Variants in LARGE1 observed in about 807,000 individuals in gnomAD.
LARGE1 encodes the protein LARGE xylosyl- and glucuronyltransferase 1, also known as xylosyl- and glucuronyltransferase LARGE1.
In LARGE1, 43 loss-of-function variants were observed where a neutral mutation model predicts 87.6. The observed-to-expected ratio is 0.49, with a 90% CI of 0.38 to 0.63. The LOEUF (loss-of-function observed/expected upper bound fraction) is 0.63. LARGE1 is among the 30% of genes least tolerant of loss of function. The probability of loss-of-function intolerance (pLI) is 0.00; values close to 1 mark genes in which losing one functional copy is unlikely to be tolerated. For missense variants in LARGE1, 802 were observed against 1,000.2 expected (o/e 0.80, Z 2.67); for synonymous variants, 434 against 394.6 (o/e 1.10, Z -1.18).
At chr22:33,827,042 A>G (rs1280394942) in intron 1 of LARGE1, among the ~76,000 whole-genome samples, 1 of 152,108 alleles carries the variant, frequency 6.6e-6, no homozygotes, top group African/African-American at 2.4e-5. Context: ...AGCTACTTTT[A>G]TCAATGCTTT....
upstream of LARGE1, among the ~76,000 whole-genome samples, chr22:33,920,874 C>T (rs2065928343): frequency 6.8e-6 from 1 of 146,104 alleles, no homozygotes; most frequent in Non-Finnish European, 1.5e-5. Flanking sequence ...CGCGCGATCC[C>T]CGCCTCCCGC....
the LARGE1 span, among the ~76,000 whole-genome samples, chr22:33,074,534 G>T: frequency 1.3e-5 from 2 of 152,000 alleles, no homozygotes; most frequent in African/African-American, 4.8e-5. Context: ...AATTAGCCAG[G>T]TGTGGTGCCG....
At chr22:33,361,495 T>C (rs2146895178) in intron 9 of LARGE1, among the ~76,000 whole-genome samples, 1 of 149,780 alleles carries the variant, frequency 6.7e-6, no homozygotes, top group South Asian at 2.2e-4. Context: ...GTCCTTGCAC[T>C]TACTCCCTGC....
chr22:33,471,029 CTTT>C (rs372332553), intron 6 of LARGE1, among the ~76,000 whole-genome samples: 10 of 129,718 alleles, frequency 7.7e-5, no homozygotes, highest in East Asian at 6.8e-4. Context: ...TCTTCTTCTT[CTTT>C]TTTTTTTTTT....
chr22:33,643,627 G>GTTA (rs1225809480), intron 3 of LARGE1, among the ~76,000 whole-genome samples: 11 of 152,060 alleles, frequency 7.2e-5, no homozygotes, highest in African/African-American at 2.7e-4. Flanking sequence ...TCCAGGAGTT[G>GTTA]GTCTTTTGAA....
intron 5 of LARGE1, among the ~76,000 whole-genome samples, chr22:33,566,976 T>C (rs1472801287): frequency 6.6e-6 from 1 of 152,200 alleles, no homozygotes; most frequent in Non-Finnish European, 1.5e-5. Context: ...TATGAGTCCC[T>C]GTCACCCTAC....
chr22:33,921,012 G>C (rs952482108), upstream of LARGE1, among the ~76,000 whole-genome samples: 3 of 150,208 alleles, frequency 2.0e-5, no homozygotes, highest in Admixed American at 6.6e-5. This position sits in a 1 kb window ranked among gnomAD's most constrained non-coding sequence, Gnocchi z 4.1. Flanking sequence ...CAGTGACTGT[G>C]TGTCTGTGTC....
the LARGE1 span, among the ~76,000 whole-genome samples, chr22:33,085,789 A>G: frequency 6.6e-6 from 1 of 152,190 alleles, no homozygotes; most frequent in Admixed American, 6.5e-5. Flanking sequence ...GTTCCATGAA[A>G]CTTCAAATTT....
chr22:33,184,346 ACAGT>A (rs529138239), intron 11 of LARGE1, among the ~76,000 whole-genome samples: 221 of 151,206 alleles, frequency 1.5e-3, no homozygotes, highest in African/African-American at 5.0e-3. Flanking sequence ...CAAACAAACA[ACAGT>A]CAAAGAAGAA....
intron 12 of LARGE1, among the ~76,000 whole-genome samples, chr22:33,296,285 G>T (rs753202606): frequency 6.6e-6 from 1 of 152,206 alleles, no homozygotes; most frequent in Non-Finnish European, 1.5e-5. Context: ...TCTTGAACAC[G>T]TTACAACTTT....
At chr22:33,610,493 G>T (rs2079395490) in intron 4 of LARGE1, among the ~76,000 whole-genome samples, 2 of 152,120 alleles carry the variant, frequency 1.3e-5, no homozygotes, top group African/African-American at 4.8e-5. Context: ...ATCTGCCAGA[G>T]GACATTTCTA....
intron 3 of LARGE1, among the ~76,000 whole-genome samples, chr22:33,648,479 A>G (rs1322365757): frequency 6.6e-6 from 1 of 152,176 alleles, no homozygotes; most frequent in Admixed American, 6.5e-5. Flanking sequence ...TCACCTGGGT[A>G]GCAGAGTTCC....
rs113703873 is a variant in LARGE1 at position 33,463,556 on chromosome 22, T to C, written c.788-31291A>G. ...AATTAATTTATAGATAGAAATAAAATTGCAATCAAAATCCCAATGTGTGTG... is the reference window on the plus strand; with the variant it reads ...AATTAATTTATAGATAGAAATAAAACTGCAATCAAAATCCCAATGTGTGTG... On this transcript the variant is annotated intron_variant, in intron 6 of 14. Coordinates refer to ENST00000397394, the MANE Select transcript of LARGE1 (RefSeq NM_133642.5). Among the ~76,000 whole-genome samples, 461 of 152,270 alleles carry C rather than the reference T, an allele frequency of 3.0e-3. 2 individuals carry two copies. The highest frequency in any genetic ancestry group is 0.024 in the Middle Eastern group (7 of 294).
chr22:33,603,424 T>C lies in LARGE1; in HGVS notation c.615+1011A>G, dbSNP rs144938005. ...GTGGGTACCTACTATGCACCAGAAA[T>C]ATAGAAAAGAATAAGATGCGGCTCC... On this transcript the variant is annotated intron_variant, in intron 5 of 14. Transcript: ENST00000397394. Among the ~76,000 whole-genome samples the C allele has an allele frequency of 2.0e-5, 3 of 152,184 alleles. No homozygotes were observed. In the East Asian group the frequency reaches 5.8e-4, roughly 29 times the overall value.
At chr22:33,269,995 ACT>A (rs1928162535), downstream of LARGE1, among the ~76,000 whole-genome samples, 1 of 142,418 alleles carries the variant, frequency 7.0e-6, no homozygotes, top group African/African-American at 2.9e-5. Context: ...ACAGAGCAAG[ACT>A]CTGTCTCAAA....
intron 6 of LARGE1, among the ~76,000 whole-genome samples, chr22:33,437,750 C>G (rs543343805): frequency 6.6e-6 from 1 of 151,896 alleles, no homozygotes; most frequent in South Asian, 2.1e-4. Context: ...AGACACCACA[C>G]AAAATACTAA....
chr22:33,828,327 T>A (rs5749676), intron 1 of LARGE1, among the ~76,000 whole-genome samples: 1 of 152,086 alleles, frequency 6.6e-6, no homozygotes, highest in Non-Finnish European at 1.5e-5. Context: ...CAGGGCATCC[T>A]GAGAGAGTCC....
At chr22:33,190,509 C>T (rs985263661) in intron 11 of LARGE1, among the ~76,000 whole-genome samples, 2 of 152,138 alleles carry the variant, frequency 1.3e-5, no homozygotes, top group African/African-American at 4.8e-5. Flanking sequence ...CCCACATTTG[C>T]ACAGCTCTGA....
Position 33,230,220 on chromosome 22 carries a change from G to A in LARGE1, c.1731-63388C>T, listed in dbSNP as rs368770566. On this transcript the variant is annotated intron_variant, in intron 11 of 11. Transcript: ENST00000608642. The stretch of plus-strand genomic sequence containing the variant: ...GTAGAGATGGAGTTTCACCATGTTG[G>A]CCAGGATGGTCTCGATCTCTTGACC... Among the ~76,000 whole-genome samples, 37 of 151,802 alleles carry A rather than the reference G, an allele frequency of 2.4e-4. No homozygotes were observed. The East Asian group carries it at 6.6e-3, about 27-fold the overall frequency.
Sources: allele counts gnomAD v4.1 joint callset (sites outside exome capture counted in the v4.1 genomes callset), GRCh38; gene constraint gnomAD v4.1.1; non-coding constraint Gnocchi (gnomAD v3.1); transcripts MANE v1.5; gene names NCBI Gene and HGNC (gene_info 2026-07-23, HGNC 2026-07-21).